The following NOTCH2NLR variants were observed in gnomAD, a reference collection of about 807,000 sequenced individuals.
NOTCH2NLR encodes notch 2 N-terminal like R.
A neutral mutation model predicts 35.6 loss-of-function variants in NOTCH2NLR; 33 were observed. The ratio of observed to expected loss-of-function variants is 0.93; its 90% confidence interval spans 0.70 to 1.24. The LOEUF is 1.24. NOTCH2NLR is among the 50% of genes most tolerant of loss of function. The probability of loss-of-function intolerance (pLI) is 0.00; values close to 1 mark genes in which losing one functional copy is unlikely to be tolerated. For synonymous variants in NOTCH2NLR, 103 were observed against 141.0 expected (o/e 0.73, Z 1.91); for missense variants, 276 against 362.2 (o/e 0.76, Z 1.93).
intron 1 of NOTCH2NLR, among the ~76,000 whole-genome samples, chr1:120,730,410 C>A (rs1650862860): frequency 2.1e-5 from 1 of 48,064 alleles, no homozygotes; most frequent in Non-Finnish European, 3.5e-5. Flanking sequence ...TTGAGCAGAA[C>A]AAAACAATCT....
In NOTCH2NLR at chr1:120,724,319, C is replaced by G. The variant is rs1650790438; in HGVS notation, c.73+69C>G. 6 of 1,360,872 alleles carry G rather than the reference C, an allele frequency of 4.4e-6. 1 individual carries two copies. The highest frequency in any genetic ancestry group is 5.7e-6 in the Non-Finnish European group (6 of 1,044,874). 84.3% of individuals were successfully genotyped at this position (1,360,872 alleles called of 1,614,324 possible). On this transcript the variant is annotated intron_variant, in intron 1 of 4. Transcript: ENST00000624419. ...GCCACCTGGGGCGACCCTTCTCCCCCTCAGTCCTTCTCTGTGTGGGAAGGC... is the reference window on the plus strand; with the variant it reads ...GCCACCTGGGGCGACCCTTCTCCCCGTCAGTCCTTCTCTGTGTGGGAAGGC...
intron 2 of NOTCH2NLR, among the ~76,000 whole-genome samples, chr1:120,770,385 G>A (rs1259304832): frequency 9.0e-6 from 1 of 110,766 alleles, no homozygotes; most frequent in East Asian, 2.2e-4. Context: ...TAGCCAGGAT[G>A]GTCTCTATCT....
At chr1:120,778,028 A>G in intron 2 of NOTCH2NLR, among the ~76,000 whole-genome samples, 1 of 82,664 alleles carries the variant, frequency 1.2e-5, no homozygotes, top group South Asian at 3.6e-4. Context: ...TTACATAGGA[A>G]CTTTCACTGG....
chr1:120,765,245 A>G (rs1651178419), intron 2 of NOTCH2NLR, among the ~76,000 whole-genome samples: 1 of 101,210 alleles, frequency 9.9e-6, no homozygotes, highest in African/African-American at 5.4e-5. Flanking sequence ...TTAATACCTT[A>G]GAGTAGGCCA....
At chr1:120,781,695 C>G (rs1312272548) in intron 2 of NOTCH2NLR, among the ~76,000 whole-genome samples, 1 of 80,738 alleles carries the variant, frequency 1.2e-5, no homozygotes, top group African/African-American at 9.9e-5. Flanking sequence ...TCCCGAGTAG[C>G]TGGGACTACA....
At position 120,759,564 on chromosome 1, in the gene NOTCH2NLR, G is replaced by C. The variant is rs1209619163; in HGVS notation, c.74-4064G>C. ...ATTGGAAAAAAGTAAATTGAATTTT[G>C]AAATGAGGTCTGTCCCGGTCTCACT... On this transcript the variant is annotated intron_variant, in intron 1 of 4. Coordinates refer to ENST00000624419, the Ensembl canonical transcript of NOTCH2NLR. Among the ~76,000 whole-genome samples the C allele has an allele frequency of 3.2e-5, 3 of 93,958 alleles. 1 individual carries two copies. The Admixed American group carries it at 3.2e-4, about 10-fold the overall frequency. The allele number at this position is 93,958 out of a possible 152,430, so 61.6% of individuals were successfully genotyped here. A position where few individuals can be genotyped will look rare whatever the true frequency, so the allele number is the denominator to read the frequency against.
intron 2 of NOTCH2NLR, among the ~76,000 whole-genome samples, chr1:120,769,993 T>G (rs1651243711): frequency 9.1e-6 from 1 of 110,192 alleles, no homozygotes. Context: ...ATGTAGTTGT[T>G]CAAAAAATCA....
chr1:120,770,451 G>T (rs1201140398), intron 2 of NOTCH2NLR, among the ~76,000 whole-genome samples: 1 of 112,724 alleles, frequency 8.9e-6, no homozygotes, highest in Non-Finnish European at 1.7e-5. Flanking sequence ...TTACAGGCGT[G>T]AGCCACCACA....
intron 3 of NOTCH2NLR, among the ~76,000 whole-genome samples, chr1:120,790,298 G>A (rs1273976497): frequency 9.0e-6 from 1 of 111,620 alleles, no homozygotes; most frequent in Admixed American, 8.6e-5. Flanking sequence ...ACAGGTGTGA[G>A]CCACCACACC....
At chr1:120,794,541 TG>T (rs1651536084), downstream of NOTCH2NLR, among the ~76,000 whole-genome samples, 1 of 103,142 alleles carries the variant, frequency 9.7e-6, no homozygotes, top group African/African-American at 6.3e-5. Flanking sequence ...TCTTAGATTC[TG>T]GTATTGTGGA....
In NOTCH2NLR at chr1:120,790,010, CTTTTTTTTTT is replaced by C. The variant is rs1174501165; in HGVS notation, c.416-3136_416-3127del. Among the ~76,000 whole-genome samples the C allele has an allele frequency of 1.1e-4, 4 of 34,940 alleles. 1 individual carries two copies. The highest frequency in any genetic ancestry group is 7.5e-4 in the African/African-American group (4 of 5,350). The allele number at this position is 34,940 out of a possible 152,430, so 22.9% of individuals were successfully genotyped here. A position where few individuals can be genotyped will look rare whatever the true frequency, so the allele number is the denominator to read the frequency against. On this transcript the variant is annotated intron_variant, in intron 3 of 4. Transcript: ENST00000624419. ...GTGTGTTCTGCAAGATTCTGATCAC[CTTTTTTTTTT>C]TTTTTTTTTTTTTTGAGATGGAGTA...
At chr1:120,745,514 GAAAGGTAAGTAATTTTTCA>G (rs1650971649) in intron 1 of NOTCH2NLR, among the ~76,000 whole-genome samples, 1 of 78,632 alleles carries the variant, frequency 1.3e-5, no homozygotes, top group Admixed American at 1.3e-4. Context: ...GTAGGCCTTA[GAAAGGTAAGTAATTTTTCA>G]GCTGGGCATG....
At chr1:120,789,811 A>C (rs1182726092) in intron 3 of NOTCH2NLR, among the ~76,000 whole-genome samples, 1 of 48,754 alleles carries the variant, frequency 2.1e-5, no homozygotes, top group South Asian at 4.5e-4. Flanking sequence ...CCTGATTGTC[A>C]GTTTTGAGTT....
intron 2 of NOTCH2NLR, among the ~76,000 whole-genome samples, chr1:120,769,258 G>A (rs1651232878): frequency 1.3e-5 from 2 of 151,720 alleles, no homozygotes; most frequent in African/African-American, 2.4e-5. Flanking sequence ...TGGTTCTGTT[G>A]TGGTGCTTCT....
At chr1:120,790,546 T>TC (rs1651477221) in intron 3 of NOTCH2NLR, among the ~76,000 whole-genome samples, 1 of 93,448 alleles carries the variant, frequency 1.1e-5, no homozygotes, top group Non-Finnish European at 1.9e-5. Context: ...CTTTCTTTCT[T>TC]TCTTTCTTTC....
chr1:120,752,566 T>A (rs1651034805), intron 1 of NOTCH2NLR, among the ~76,000 whole-genome samples: 2 of 25,438 alleles, frequency 7.9e-5, no homozygotes, highest in Non-Finnish European at 6.2e-5. Flanking sequence ...TTTTTTTTTT[T>A]TTTTTTTTCT....
chr1:120,790,059 C>T (rs1335031069), intron 3 of NOTCH2NLR, among the ~76,000 whole-genome samples: 1 of 76,466 alleles, frequency 1.3e-5, no homozygotes, highest in Non-Finnish European at 2.2e-5. Flanking sequence ...CTTTGTCATC[C>T]AGGCTGGAGT....
intron 1 of NOTCH2NLR, among the ~76,000 whole-genome samples, chr1:120,737,596 G>T (rs1324153186): frequency 2.6e-5 from 2 of 77,672 alleles, no homozygotes; most frequent in East Asian, 3.0e-4. Context: ...AGTAGAAAGG[G>T]TGTTGGGATG....
chr1:120,790,726 G>C lies in NOTCH2NLR; in HGVS notation c.416-2435G>C, dbSNP rs1339787474. On this transcript the variant is annotated intron_variant, in intron 3 of 4. Coordinates refer to ENST00000624419, the Ensembl canonical transcript of NOTCH2NLR. ...GTGATTCTTGTGCCTCAGCCTCCCA[G>C]GTAGCTGGGATTACAGGTATGCGCT... Among the ~76,000 whole-genome samples the C allele has an allele frequency of 1.8e-5, 2 of 110,752 alleles. 1 individual carries two copies. The highest frequency in any genetic ancestry group is 3.4e-5 in the Non-Finnish European group (2 of 58,946). 72.7% of individuals were successfully genotyped at this position (110,752 alleles called of 152,430 possible).
Sources: allele counts gnomAD v4.1 joint callset (sites outside exome capture counted in the v4.1 genomes callset), GRCh38; gene constraint gnomAD v4.1.1; transcripts MANE v1.5; gene names NCBI Gene and HGNC (gene_info 2026-07-23, HGNC 2026-07-21).